CIAO2A: variants seen among roughly 807,000 people sequenced by gnomAD.
CIAO2A encodes cytosolic iron-sulfur assembly component 2A.
In CIAO2A, 17 loss-of-function variants were observed where a neutral mutation model predicts 22.4. The observed-to-expected ratio is 0.76, with a 90% CI of 0.52 to 1.14. The LOEUF (loss-of-function observed/expected upper bound fraction) is 1.14, where lower values mean the gene tolerates loss of function less well. CIAO2A is among the 50% of genes most tolerant of loss of function. CIAO2A has a pLI of 0.00. For missense variants in CIAO2A, 192 were observed against 191.4 expected (o/e 1.00, Z -0.02); for synonymous variants, 74 against 72.3 (o/e 1.02, Z -0.12).
intron 3 of CIAO2A, among the ~76,000 whole-genome samples, chr15:64,079,632 AG>A (rs1482599226): frequency 1.3e-5 from 2 of 152,222 alleles, no homozygotes; most frequent in South Asian, 2.1e-4. Flanking sequence ...AGCCAGGTAG[AG>A]AAGGCATAAT....
chr15:64,088,908 A>C (rs1567308635), intron 1 of CIAO2A, 57 bp from the exon 2 acceptor site: 1 of 1,527,228 alleles, frequency 6.5e-7, no homozygotes, highest in East Asian at 2.3e-5. Flanking sequence ...CTAAATAAAG[A>C]TGATTTTGCC....
chr15:64,084,668 C>A (rs1418357394), intron 2 of CIAO2A, among the ~76,000 whole-genome samples: 1 of 152,088 alleles, frequency 6.6e-6, no homozygotes, highest in Admixed American at 6.6e-5. Flanking sequence ...GCTTGGGAGG[C>A]TGAGGCAGGA....
At chr15:64,074,778 A>T (rs2080704254) in intron 4 of CIAO2A, 1 of 151,910 alleles carries the variant, frequency 6.6e-6, no homozygotes, top group Admixed American at 6.6e-5. Flanking sequence ...CTTGGTATCT[A>T]TCTCACTGTT....
In CIAO2A at chr15:64,077,154, T is replaced by C. The variant is rs1344657611; in HGVS notation, c.340-1617A>G. Among the ~76,000 whole-genome samples the C allele has an allele frequency of 2.0e-5, 3 of 151,936 alleles. No individual in the cohort carries two copies. The East Asian group carries it at 5.8e-4, about 29-fold the overall frequency. On this transcript the variant is annotated intron_variant, in intron 3 of 4. Transcript: ENST00000300030. ...AGTAAAACCCCAACTCTACTAAAAA[T>C]ACAAAAAATTAGCCGGGCGTGTATT...
chr15:64,075,577 G>A (rs762981840), intron 3 of CIAO2A, 40 bp from the exon 4 acceptor site: 31 of 1,250,504 alleles, frequency 2.5e-5, no homozygotes, highest in Middle Eastern at 2.1e-4. Context: ...AAACATTAAT[G>A]CATTCTAAGA....
chr15:64,077,238 C>T (rs2080726067), intron 3 of CIAO2A, among the ~76,000 whole-genome samples: 1 of 152,302 alleles, frequency 6.6e-6, no homozygotes, highest in East Asian at 1.9e-4. Flanking sequence ...GTGGAGGTTA[C>T]AGTGAGCTGA....
chr15:64,091,126 G>A (rs1000007428), intron 1 of CIAO2A, among the ~76,000 whole-genome samples: 11 of 150,190 alleles, frequency 7.3e-5, no homozygotes, highest in Non-Finnish European at 1.3e-4. Flanking sequence ...AATGCAACTG[G>A]GAAAAACAAG....
At chr15:64,092,424 G>C (rs755468560) in intron 1 of CIAO2A, among the ~76,000 whole-genome samples, 5 of 152,146 alleles carry the variant, frequency 3.3e-5, no homozygotes, top group Non-Finnish European at 7.3e-5. Flanking sequence ...CTCAGTCAGA[G>C]ACTAGTATCT....
At chr15:64,075,653 C>CTTTT in intron 3 of CIAO2A, 116 bp from the exon 4 acceptor site, 1 of 383,128 alleles carries the variant, frequency 2.6e-6, no homozygotes, top group Non-Finnish European at 4.5e-6. Context: ...AATCCTGTTT[C>CTTTT]TTTTTTTTTT....
intron 3 of CIAO2A, among the ~76,000 whole-genome samples, chr15:64,078,086 T>C (rs975808374): frequency 4.6e-5 from 7 of 152,206 alleles, no homozygotes; most frequent in African/African-American, 1.7e-4. Flanking sequence ...GGGTGAAGGA[T>C]ATATGGAATT....
chr15:64,072,978 G>C lies in CIAO2A; in HGVS notation c.436C>G (p.Pro146Ala), dbSNP rs1298005509. Reference sequence around the variant, plus strand: ...TGTTCCACAATTTCCCGTAAGTTGGGGTTTTCCATTGCAGCTGCCACTCGC... The same window carrying C: ...TGTTCCACAATTTCCCGTAAGTTGGCGTTTTCCATTGCAGCTGCCACTCGC... ...KERVAAAMEN[P>A]NLREIVEQCV... The change falls in exon 5 of 5, where the codon CCC becomes GCC. Residue 146 changes from proline to alanine, a missense_variant. Pro to Ala is a conservative substitution (Grantham distance 27). Transcript: ENST00000300030. The C allele has an allele frequency of 1.9e-6, 3 of 1,613,822 alleles. No individual in the cohort carries two copies. The South Asian group carries it at 3.3e-5, about 18-fold the overall frequency.
At chr15:64,091,168 T>G (rs2080836865) in intron 1 of CIAO2A, among the ~76,000 whole-genome samples, 1 of 152,164 alleles carries the variant, frequency 6.6e-6, no homozygotes, top group South Asian at 2.1e-4. Context: ...AATTTGCTCC[T>G]GGGCTTGTCA....
chr15:64,084,765 G>C (rs1414229151), intron 2 of CIAO2A, among the ~76,000 whole-genome samples: 1 of 151,356 alleles, frequency 6.6e-6, no homozygotes, highest in Non-Finnish European at 1.5e-5. Flanking sequence ...GTGAAACTCC[G>C]TCTCAAAAAA....
intron 2 of CIAO2A, among the ~76,000 whole-genome samples, chr15:64,086,206 C>T (rs1308462252): frequency 1.3e-5 from 2 of 151,334 alleles, no homozygotes; most frequent in African/African-American, 4.9e-5. Flanking sequence ...ATTGGAAGTT[C>T]GAGACCAGCC....
At chr15:64,084,726 G>A (rs1344124111) in intron 2 of CIAO2A, among the ~76,000 whole-genome samples, 3 of 152,082 alleles carry the variant, frequency 2.0e-5, no homozygotes, top group African/African-American at 4.8e-5. Context: ...CCAAGATCAT[G>A]CCATTGCACT....
At chr15:64,091,851 G>A (rs1403597211) in intron 1 of CIAO2A, among the ~76,000 whole-genome samples, 1 of 151,980 alleles carries the variant, frequency 6.6e-6, no homozygotes, top group African/African-American at 2.4e-5. Flanking sequence ...TTGAGCTCAG[G>A]AGTCCAAGAC....
intron 3 of CIAO2A, among the ~76,000 whole-genome samples, chr15:64,077,783 A>G (rs1242382618): frequency 6.6e-6 from 1 of 152,204 alleles, no homozygotes; most frequent in Non-Finnish European, 1.5e-5. Flanking sequence ...GATGGGGGAG[A>G]GGAGCAGAGC....
At chr15:64,082,980 C>A (rs1056938906) in intron 2 of CIAO2A, among the ~76,000 whole-genome samples, 1 of 151,776 alleles carries the variant, frequency 6.6e-6, no homozygotes, top group Non-Finnish European at 1.5e-5. Flanking sequence ...GGCGGGAGGA[C>A]TGCTTGAGCC....
chr15:64,081,054 C>G, intron 3 of CIAO2A, 48 bp downstream of exon 3: 1 of 1,565,920 alleles, frequency 6.4e-7, no homozygotes, highest in Non-Finnish European at 8.8e-7. Context: ...TATATCTCAA[C>G]AAAGCTGTTT....
Sources: gnomAD v4.1 joint callset for allele counts (sites outside exome capture counted in the v4.1 genomes callset) on GRCh38, gnomAD v4.1.1 for gene constraint, MANE v1.5 for transcripts, NCBI Gene and HGNC (gene_info 2026-07-23, HGNC 2026-07-21) for gene names.